The following DNAJC13 variants were observed in gnomAD, a reference collection of about 807,000 sequenced individuals.
The protein encoded by DNAJC13 is DnaJ heat shock protein family (Hsp40) member C13, also known as dnaJ homolog subfamily C member 13.
In DNAJC13, 75 loss-of-function variants were observed where a neutral mutation model predicts 290.5. The ratio of observed to expected loss-of-function variants is 0.26; its 90% CI spans 0.21 to 0.31. The LOEUF (loss-of-function observed/expected upper bound fraction) is 0.31, where lower values mean the gene tolerates loss of function less well. Among genes scored for constraint, DNAJC13 ranks in the 10% least tolerant of loss-of-function variants. The pLI, the probability that DNAJC13 is intolerant of heterozygous loss-of-function variation, is 1.00. For synonymous variants in DNAJC13, 862 were observed against 892.0 expected (o/e 0.97, Z 0.60); for missense variants, 2,260 against 2,674.5 (o/e 0.85, Z 3.42).
chr3:132,491,983 C>T lies in DNAJC13; in HGVS notation c.3624-431C>T, dbSNP rs1330976191. Among the ~76,000 whole-genome samples, 6 of 152,124 alleles carry T rather than the reference C, an allele frequency of 3.9e-5. No homozygotes were observed. The East Asian group carries it at 9.6e-4, about 24-fold the overall frequency. On this transcript the variant is annotated intron_variant, in intron 32 of 55. Coordinates refer to ENST00000260818, the MANE Select transcript of DNAJC13 (RefSeq NM_015268.4). ...CAAATATAAGGCCCCATCTAAAAGA[C>T]GAATTGCTCTATGTGCTGATAAGTT...
rs34151394 is a variant in DNAJC13 at position 132,506,541 on chromosome 3, C to CTTTTTTTTTTTTTTTTTTTTTTTT, written c.4999-690_4999-667dup. On this transcript the variant is annotated intron_variant, in intron 42 of 55. Transcript: ENST00000260818. ...TTTAGCACTTTTGTTCAGTGTATTA[C>CTTTTTTTTTTTTTTTTTTTTTTTT]TTTTTTTTTTTTTTTTTTTTTTTTT... is the stretch of plus-strand genomic sequence containing the variant. 5.5e-5 allele frequency among the ~76,000 whole-genome samples: 3 copies of CTTTTTTTTTTTTTTTTTTTTTTTT among 54,754 alleles called. 1 individual carries two copies. The highest frequency in any genetic ancestry group is 1.2e-4 in the African/African-American group (1 of 8,674). The allele number at this position is 54,754 out of a possible 152,430, so 35.9% of individuals were successfully genotyped here.
intron 44 of DNAJC13, among the ~76,000 whole-genome samples, chr3:132,512,183 TGAA>T (rs1436895958): frequency 6.6e-6 from 1 of 152,160 alleles, no homozygotes; most frequent in Admixed American, 6.5e-5. Flanking sequence ...TGTAAAGAGT[TGAA>T]GAAAGGCCTG....
intron 38 of DNAJC13, 89 bp downstream of exon 38, chr3:132,499,897 T>A: frequency 8.1e-7 from 1 of 1,237,172 alleles, no homozygotes; most frequent in Non-Finnish European, 1.2e-6. Context: ...GAGGGCTCAT[T>A]AAACTGTAGG....
intron 31 of DNAJC13, among the ~76,000 whole-genome samples, chr3:132,489,585 G>A (rs1444251624): frequency 6.6e-6 from 1 of 151,966 alleles, no homozygotes; most frequent in Non-Finnish European, 1.5e-5. Flanking sequence ...ACTGAAGGGT[G>A]TTTTGAAATA....
At chr3:132,489,513 A>T (rs1934998321) in intron 31 of DNAJC13, among the ~76,000 whole-genome samples, 1 of 152,028 alleles carries the variant, frequency 6.6e-6, no homozygotes, top group East Asian at 1.9e-4. Flanking sequence ...TTATTTAGGT[A>T]GTTTTGACAA....
chr3:132,499,949 T>A (rs1935359404), intron 38 of DNAJC13, 141 bp downstream of exon 38: 3 of 710,768 alleles, frequency 4.2e-6, no homozygotes, highest in Non-Finnish European at 7.2e-6. Flanking sequence ...ATTCAGTGAG[T>A]CTGGGGTGGT....
chr3:132,442,432 T>TA (rs1156915283), intron 2 of DNAJC13, among the ~76,000 whole-genome samples: 1 of 152,234 alleles, frequency 6.6e-6, no homozygotes, highest in Non-Finnish European at 1.5e-5. Context: ...ATCTGTCTGT[T>TA]AAAAAATATA....
Position 132,526,172 on chromosome 3 carries a change from C to A in DNAJC13, c.6272C>A (p.Thr2091Asn). 6.2e-7 allele frequency: 1 copy of A among 1,614,056 alleles called. No individual in the cohort carries two copies. Among genetic ancestry groups the A allele is most frequent in the Non-Finnish European group, 8.5e-7 (1 of 1,179,996 alleles). The part of the protein sequence containing the change: ...LCVRAMASLE[T>N]IGPLMNGMKK... ...GTTCGAGCCATGGCATCTTTAGAGA[C>A]CATTGGCCCACTGATGAATGGAATG... Residue 2091 changes from threonine (T) to asparagine (N), a missense_variant, in exon 53 of 56, where the codon ACC becomes AAC. Physicochemically the swap from Thr to Asn is moderately conservative, Grantham distance 65 (BLOSUM62 0). Coordinates refer to ENST00000260818, the MANE Select transcript of DNAJC13 (RefSeq NM_015268.4).
At chr3:132,485,461 C>T (rs996547596) in intron 29 of DNAJC13, among the ~76,000 whole-genome samples, 1 of 152,182 alleles carries the variant, frequency 6.6e-6, no homozygotes, top group African/African-American at 2.4e-5. Context: ...TCTTGAGTTG[C>T]TGAATATGCT....
At chr3:132,430,026 T>C (rs2107645337) in intron 1 of DNAJC13, among the ~76,000 whole-genome samples, 1 of 152,288 alleles carries the variant, frequency 6.6e-6, no homozygotes, top group Admixed American at 6.5e-5. Context: ...CCTCCTACAC[T>C]AGTTTTCTGT....
intron 44 of DNAJC13, 135 bp downstream of exon 44, chr3:132,511,379 T>C: frequency 4.8e-6 from 5 of 1,031,306 alleles, no homozygotes; most frequent in Non-Finnish European, 6.9e-6. Context: ...TTACAGGGAA[T>C]TGACCCTGTA....
chr3:132,525,561 G>T lies in DNAJC13; in HGVS notation c.6061-49G>T, dbSNP rs1300700678. 3 of 1,572,414 alleles carry T rather than the reference G, an allele frequency of 1.9e-6. No individual in the cohort carries two copies. The South Asian group carries it at 3.5e-5, about 18-fold the overall frequency. The stretch of plus-strand genomic sequence containing the variant: ...CAAATACATTACCTTGGATATTTAG[G>T]GCTGTATGAGTATTTTATAGTTGAT... On this transcript the variant is annotated intron_variant, in intron 51 of 55. Transcript: ENST00000260818.
intron 47 of DNAJC13, 85 bp downstream of exon 47, chr3:132,516,581 G>C (rs1260096940): frequency 6.5e-7 from 1 of 1,540,562 alleles, no homozygotes. Context: ...TGATAAACTA[G>C]AAGAATGCTT....
intron 38 of DNAJC13, 137 bp from the exon 39 acceptor site, chr3:132,500,657 C>A: frequency 1.7e-6 from 2 of 1,192,818 alleles, no homozygotes; most frequent in Non-Finnish European, 2.3e-6. Context: ...CTAGTAAAGA[C>A]ATTCTGTTTA....
rs1377005527 is a variant in DNAJC13 at position 132,471,226 on chromosome 3, G to A, written c.2209-1919G>A. On this transcript the variant is annotated intron_variant, in intron 20 of 55. Coordinates refer to ENST00000260818, the MANE Select transcript of DNAJC13 (RefSeq NM_015268.4). ...GCACCCCTCACCTCCCGGACGGGGCGGCTGGCCGGGCGGGGGGCTGACCCC... is the reference window on the plus strand; with the variant it reads ...GCACCCCTCACCTCCCGGACGGGGCAGCTGGCCGGGCGGGGGGCTGACCCC... Among the ~76,000 whole-genome samples the A allele has an allele frequency of 5.9e-5, 8 of 134,516 alleles. No individual in the cohort carries two copies. The South Asian group carries it at 7.5e-4, about 13-fold the overall frequency. The allele number at this position is 134,516 out of a possible 152,430, so 88.2% of individuals were successfully genotyped here. A position where few individuals can be genotyped will look rare whatever the true frequency, so the allele number is the denominator to read the frequency against.
At position 132,538,310 on chromosome 3, in the gene DNAJC13, A is replaced by G. The variant is rs548103453; in HGVS notation, c.*28A>G. 6.3e-6 allele frequency: 10 copies of G among 1,583,828 alleles called. No homozygotes were observed. Among genetic ancestry groups the G allele is most frequent in the Non-Finnish European group, 8.7e-6 (10 of 1,155,982 alleles). On this transcript the variant is annotated 3_prime_UTR_variant, in exon 56 of 56. Transcript: ENST00000260818. The stretch of plus-strand genomic sequence containing the variant: ...TATTCACGAGAGACAATAAACGCTG[A>G]AAGGCCAGTGCCAAGTCCACATTCC...
chr3:132,527,286 T>A (rs1289365012), intron 53 of DNAJC13, among the ~76,000 whole-genome samples: 1 of 152,222 alleles, frequency 6.6e-6, no homozygotes, highest in Non-Finnish European at 1.5e-5. Flanking sequence ...TTCAGTGGTT[T>A]CTCATTACCT....
intron 2 of DNAJC13, among the ~76,000 whole-genome samples, chr3:132,443,383 C>A (rs1933135367): frequency 6.6e-6 from 1 of 152,080 alleles, no homozygotes; most frequent in African/African-American, 2.4e-5. Flanking sequence ...AAATTCCTGA[C>A]CTCAAGTGAT....
At chr3:132,439,164 T>C (rs188672061) in intron 2 of DNAJC13, among the ~76,000 whole-genome samples, 143 of 152,330 alleles carry the variant, frequency 9.4e-4, no homozygotes, top group Non-Finnish European at 1.7e-3. Context: ...TTTTGGTATC[T>C]AAACAGGATT....
Sources: allele counts gnomAD v4.1 joint callset (sites outside exome capture counted in the v4.1 genomes callset), GRCh38; gene constraint gnomAD v4.1.1; transcripts MANE v1.5; gene names NCBI Gene and HGNC (gene_info 2026-07-23, HGNC 2026-07-21).